The following ANOS1 variants were observed in gnomAD, a reference collection of about 807,000 sequenced individuals.
ANOS1 encodes anosmin-1.
A neutral mutation model predicts 59.0 loss-of-function variants in ANOS1; 6 were observed. That is an observed-to-expected ratio of 0.10 (90% CI 0.06 to 0.20). The LOEUF (loss-of-function observed/expected upper bound fraction) is 0.20, where lower values mean the gene tolerates loss of function less well. Ranked by LOEUF, ANOS1 falls within the 10% of genes least tolerant of loss-of-function variation. ANOS1 has a pLI of 1.00. For missense variants in ANOS1, 433 were observed against 542.3 expected, an observed-to-expected ratio of 0.80 and a Z score of 2.00; for synonymous variants, 217 against 223.4, an observed-to-expected ratio of 0.97 and a Z score of 0.25.
At chrX:8,570,405 CT>C in intron 7 of ANOS1, 93 bp downstream of exon 7, 1 of 718,671 alleles carries the variant, frequency 1.4e-6, no homozygotes, top group Non-Finnish European at 2.2e-6. Context: ...TCCATGGCAT[CT>C]CTCAGTTTAG....
rs920239393 is a variant in ANOS1, at chrX:8,574,102, C to A, written c.857-3398G>T. Among the ~76,000 whole-genome samples, 22 of 110,368 alleles carry A rather than the reference C, an allele frequency of 2.0e-4. 1 individual carries two copies. Among genetic ancestry groups the A allele is most frequent in the African/African-American group, 7.3e-4 (22 of 30,329 alleles). On this transcript the variant is annotated intron_variant, in intron 6 of 13. Coordinates refer to ENST00000262648, the MANE Select transcript of ANOS1 (RefSeq NM_000216.4). ...CGTGCCTCAGTTACCTCCCAGAGCA[C>A]CTTTCATTTTATCACCTCCACCCCT...
chrX:8,634,417 T>C (rs1040701571), intron 2 of ANOS1, among the ~76,000 whole-genome samples: 2 of 111,481 alleles, frequency 1.8e-5, no homozygotes, highest in Non-Finnish European at 3.8e-5. Flanking sequence ...AAGTCTAGAT[T>C]GGGTCAAGCA....
At chrX:8,674,143 ATTTT>A (rs917813533) in intron 2 of ANOS1, among the ~76,000 whole-genome samples, 1 of 111,259 alleles carries the variant, frequency 9.0e-6, no homozygotes, top group Non-Finnish European at 1.9e-5. Flanking sequence ...TAGCTGGATT[ATTTT>A]TTTTCTTTTT....
chrX:8,709,069 C>A (rs773102996), intron 1 of ANOS1, among the ~76,000 whole-genome samples: 19 of 109,646 alleles, frequency 1.7e-4, no homozygotes, highest in Non-Finnish European at 3.4e-4. Context: ...ACAATGAGAA[C>A]ACATGGACAT....
Position 8,531,334 on chromosome X carries a change from T to C in ANOS1, c.*1661A>G, listed in dbSNP as rs779029331. Reference sequence around the variant, plus strand: ...CTTTAGACACTGCAGTGAGGCTCTGTGGAGTACAGTGACTTCTGAGTTATC... The same window carrying C: ...CTTTAGACACTGCAGTGAGGCTCTGCGGAGTACAGTGACTTCTGAGTTATC... On this transcript the variant is annotated 3_prime_UTR_variant, in exon 14 of 14. Coordinates refer to ENST00000262648, the MANE Select transcript of ANOS1 (RefSeq NM_000216.4). 24 of 111,523 alleles carry C rather than the reference T, an allele frequency of 2.2e-4. No homozygotes were observed. Among genetic ancestry groups the C allele is most frequent in the Admixed American group, 9.6e-4 (10 of 10,467 alleles). 9.2% of individuals were successfully genotyped at this position (111,523 alleles called of 1,213,427 possible).
intron 2 of ANOS1, among the ~76,000 whole-genome samples, chrX:8,666,872 G>A (rs1175322753): frequency 2.7e-5 from 3 of 111,347 alleles, no homozygotes; most frequent in African/African-American, 9.9e-5. Flanking sequence ...CACCTTGTAT[G>A]CCCCAGGATG....
At chrX:8,570,780 C>T in intron 6 of ANOS1, 76 bp from the exon 7 acceptor site, 3 of 947,664 alleles carry the variant, frequency 3.2e-6, no homozygotes, top group Non-Finnish European at 4.5e-6. Flanking sequence ...ACTACATGGT[C>T]AACACGTGAA....
At chrX:8,647,621 T>C (rs988641520) in intron 2 of ANOS1, among the ~76,000 whole-genome samples, 4 of 112,323 alleles carry the variant, frequency 3.6e-5, no homozygotes, top group African/African-American at 1.3e-4. Context: ...ATTTCTATGA[T>C]AATTCTGGAA....
intron 2 of ANOS1, among the ~76,000 whole-genome samples, chrX:8,633,797 C>T (rs1156303301): frequency 9.0e-6 from 1 of 111,689 alleles, no homozygotes; most frequent in Non-Finnish European, 1.9e-5. Context: ...GAGGAAATAC[C>T]AAACAATCTA....
At chrX:8,672,020 TC>T (rs1425442669) in intron 2 of ANOS1, among the ~76,000 whole-genome samples, 1 of 111,179 alleles carries the variant, frequency 9.0e-6, no homozygotes. Flanking sequence ...ACCTTACTCC[TC>T]CTAACTGAAA....
At chrX:8,635,124 CA>C (rs1418220023) in intron 2 of ANOS1, among the ~76,000 whole-genome samples, 2 of 110,862 alleles carry the variant, frequency 1.8e-5, no homozygotes, top group African/African-American at 6.6e-5. Context: ...TCTCTGCCAT[CA>C]CTTCTAATTA....
At chrX:8,567,953 A>G (rs1232951534) in intron 8 of ANOS1, among the ~76,000 whole-genome samples, 1 of 112,540 alleles carries the variant, frequency 8.9e-6, no homozygotes, top group Non-Finnish European at 1.9e-5. Context: ...TAAACATAAA[A>G]ACAGTCAATC....
At chrX:8,606,208 C>T (rs1275004694) in intron 3 of ANOS1, among the ~76,000 whole-genome samples, 1 of 111,595 alleles carries the variant, frequency 9.0e-6, no homozygotes, top group Non-Finnish European at 1.9e-5. Flanking sequence ...ATCCATAGAC[C>T]CCTGTTTAAA....
chrX:8,608,755 G>C (rs995347593), intron 3 of ANOS1, among the ~76,000 whole-genome samples: 1 of 111,495 alleles, frequency 9.0e-6, no homozygotes, highest in African/African-American at 3.3e-5. Context: ...TGCTGTTCTT[G>C]TGATAGTGAG....
chrX:8,701,682 C>A (rs764181692), intron 1 of ANOS1, among the ~76,000 whole-genome samples: 2 of 112,312 alleles, frequency 1.8e-5, no homozygotes, highest in Non-Finnish European at 3.8e-5. Flanking sequence ...AATCTTGCTT[C>A]ATGTACATTG....
intron 3 of ANOS1, among the ~76,000 whole-genome samples, chrX:8,608,814 A>G (rs1930990299): frequency 1.8e-5 from 2 of 111,711 alleles, no homozygotes; most frequent in African/African-American, 6.5e-5. Flanking sequence ...TTCCCCCTTC[A>G]CTAGGCACTT....
At chrX:8,608,158 G>T (rs1388817374) in intron 3 of ANOS1, among the ~76,000 whole-genome samples, 4 of 111,715 alleles carry the variant, frequency 3.6e-5, no homozygotes, top group Non-Finnish European at 7.5e-5. Context: ...ATTAAAGGAA[G>T]ATAAAATATT....
At chrX:8,623,135 A>C (rs1044633229) in intron 3 of ANOS1, among the ~76,000 whole-genome samples, 1 of 111,033 alleles carries the variant, frequency 9.0e-6, no homozygotes, top group Admixed American at 9.6e-5. Context: ...AGTTAGCTGA[A>C]GTAAGATGCC....
At position 8,534,343 on chromosome X, in the gene ANOS1, C is replaced by T; in HGVS notation, c.1960G>A (p.Glu654Lys). ...CTGTGTGCTGAAGAGGGTGGGAGCT[C>T]CGGCGTCCGGAACGTCTTGATGGTG... ...PATIKTFRTPELPPSSAHRSH... is the reference protein window; with the variant it reads ...PATIKTFRTPKLPPSSAHRSH... Residue 654 changes from glutamate (E) to lysine (K), a missense_variant, in exon 13 of 14, where the codon GAG becomes AAG. Transcript: ENST00000262648. The T allele has an allele frequency of 8.3e-7, 1 of 1,211,522 alleles. No individual in the cohort carries two copies. Among genetic ancestry groups the T allele is most frequent in the Non-Finnish European group, 1.1e-6 (1 of 895,416 alleles).
Sources: allele counts gnomAD v4.1 joint callset (sites outside exome capture counted in the v4.1 genomes callset), GRCh38; gene constraint gnomAD v4.1.1; transcripts MANE v1.5; gene names NCBI Gene and HGNC (gene_info 2026-07-23, HGNC 2026-07-21).